The following CLIC5 variants were observed in gnomAD, a reference collection of about 807,000 sequenced individuals.
CLIC5 encodes the protein CLIC family member 5.
A neutral mutation model predicts 24.7 loss-of-function variants in CLIC5; 20 were observed. The ratio of observed to expected loss-of-function variants is 0.81; its 90% CI spans 0.57 to 1.18. The LOEUF (loss-of-function observed/expected upper bound fraction) is 1.18, where lower values mean the gene tolerates loss of function less well. CLIC5 is among the 50% of genes most tolerant of loss of function. The pLI, the probability that CLIC5 is intolerant of heterozygous loss-of-function variation, is 0.00. For missense variants in CLIC5, 341 were observed against 326.1 expected (o/e 1.05, Z -0.35); for synonymous variants, 159 against 135.6 (o/e 1.17, Z -1.20).
intron 1 of CLIC5, among the ~76,000 whole-genome samples, chr6:45,964,501 T>G (rs1764955168): frequency 6.6e-6 from 1 of 152,174 alleles, no homozygotes; most frequent in African/African-American, 2.4e-5. Context: ...GTGATACAGC[T>G]TCTGCCTGTG....
intron 4 of CLIC5, among the ~76,000 whole-genome samples, chr6:45,915,717 CA>C (rs1166057814): frequency 6.6e-6 from 1 of 152,108 alleles, no homozygotes; most frequent in Non-Finnish European, 1.5e-5. Flanking sequence ...TATTTAGACA[CA>C]AAAGCAGACA....
At chr6:45,919,576 G>A (rs1361214) in intron 4 of CLIC5, among the ~76,000 whole-genome samples, 62,125 of 151,682 alleles carry the variant, frequency 0.41, 13,318 homozygotes, top group East Asian at 0.53. Context: ...CAGGTCAAAT[G>A]GCCCACCAAT....
rs140627968 is a variant in CLIC5, at chr6:45,889,686, G to T, written c.624-8498C>A. ...AATTTCCAATGTTTACTGTGTTCTA[G>T]CATCTTTTGAGTCATGCAAATACAT... On this transcript the variant is annotated intron_variant, in intron 6 of 6. Coordinates refer to the CLIC5 transcript ENST00000644324. Among the ~76,000 whole-genome samples the T allele has an allele frequency of 3.9e-3, 591 of 152,184 alleles. 7 individuals carry two copies. Among genetic ancestry groups the T allele is most frequent in the African/African-American group, 0.013 (549 of 41,502 alleles).
At chr6:45,974,776 CAT>C (rs1211825749) in intron 1 of CLIC5, among the ~76,000 whole-genome samples, 3 of 151,978 alleles carry the variant, frequency 2.0e-5, no homozygotes, top group Non-Finnish European at 4.4e-5. Context: ...AGAAAGGTAA[CAT>C]GTGTGGATAT....
At chr6:45,934,509 C>T (rs577726064) in intron 4 of CLIC5, among the ~76,000 whole-genome samples, 18 of 152,232 alleles carry the variant, frequency 1.2e-4, no homozygotes, top group Middle Eastern at 6.8e-3. Context: ...TAGTGCAGGT[C>T]GCCTGGGAGG....
At chr6:46,121,379 G>C in the CLIC5 span, among the ~76,000 whole-genome samples, 2 of 152,176 alleles carry the variant, frequency 1.3e-5, no homozygotes. Context: ...ACAAGCAAAT[G>C]CTGAGAGATT....
intron 1 of CLIC5, among the ~76,000 whole-genome samples, chr6:46,031,979 A>G (rs952547876): frequency 6.6e-6 from 1 of 151,400 alleles, no homozygotes; most frequent in Non-Finnish European, 1.5e-5. Flanking sequence ...ATATATGTGT[A>G]CATATATATT....
At chr6:46,088,809 T>C in the CLIC5 span, among the ~76,000 whole-genome samples, 36 of 152,342 alleles carry the variant, frequency 2.4e-4, no homozygotes, top group African/African-American at 8.4e-4. Context: ...TTGAGCCAAA[T>C]GACTTTTTAA....
the CLIC5 span, among the ~76,000 whole-genome samples, chr6:46,120,663 T>C: frequency 3.2e-4 from 48 of 152,178 alleles, no homozygotes; most frequent in South Asian, 8.9e-3. Context: ...GAACCCATCA[T>C]AAAGAAGTTA....
chr6:46,039,895 A>C (rs2127459899), intron 1 of CLIC5, among the ~76,000 whole-genome samples: 1 of 152,358 alleles, frequency 6.6e-6, no homozygotes, highest in Middle Eastern at 3.4e-3. Context: ...AAAACCTTTA[A>C]AACACCACAG....
intron 4 of CLIC5, chr6:45,920,018 G>A (rs1449860492): frequency 4.3e-6 from 1 of 230,806 alleles, no homozygotes; most frequent in African/African-American, 2.3e-5. Flanking sequence ...TGCAAGGACT[G>A]TCCCATCACT....
intron 1 of CLIC5, among the ~76,000 whole-genome samples, chr6:46,003,062 A>T (rs1255859531): frequency 1.3e-5 from 2 of 152,246 alleles, no homozygotes; most frequent in Non-Finnish European, 2.9e-5. Flanking sequence ...AGCTTTGTGC[A>T]TTTATCCAGA....
rs776684666 is a variant in CLIC5, at chr6:45,914,447, C to T, written c.407-38G>A. 3 of 1,528,260 alleles carry T rather than the reference C, an allele frequency of 2.0e-6. No homozygotes were observed. The South Asian group carries it at 3.9e-5, about 20-fold the overall frequency. The allele number at this position is 1,528,260 out of a possible 1,614,324, so 94.7% of individuals were successfully genotyped here. ...AGTAAAAGGGCCTTTATTCAAACTT[C>T]TTGCCAGTGGATACAGTCATAGGGT... On this transcript the variant is annotated intron_variant, in intron 4 of 5. Coordinates refer to ENST00000339561, the MANE Select transcript of CLIC5 (RefSeq NM_016929.5).
In CLIC5 at chr6:45,969,807, T is replaced by G. The variant is rs187768429; in HGVS notation, c.64-14563A>C. ...ACATTCACATCAAGGTTTTTTTTTT[T>G]TTTTTTTTTTTTAATCGTGGAGGAT... On this transcript the variant is annotated intron_variant, in intron 1 of 5. Coordinates refer to ENST00000339561, the MANE Select transcript of CLIC5 (RefSeq NM_016929.5). Among the ~76,000 whole-genome samples, 320 of 150,598 alleles carry G rather than the reference T, an allele frequency of 2.1e-3. 2 individuals carry two copies. The highest frequency in any genetic ancestry group is 7.3e-3 in the African/African-American group (299 of 40,942).
chr6:45,920,045 G>A (rs917443584), intron 4 of CLIC5: 6 of 407,948 alleles, frequency 1.5e-5, no homozygotes, highest in Non-Finnish European at 2.0e-5. Context: ...GTATTCACGT[G>A]GCCTGACAGG....
At chr6:46,080,793 G>A (rs1304542002), upstream of CLIC5, among the ~76,000 whole-genome samples, 1 of 152,108 alleles carries the variant, frequency 6.6e-6, no homozygotes, top group Non-Finnish European at 1.5e-5. Context: ...GCCCTGGTTA[G>A]GTAATGAATT....
chr6:46,068,499 G>C (rs1373807670), intron 1 of CLIC5, among the ~76,000 whole-genome samples: 1 of 152,102 alleles, frequency 6.6e-6, no homozygotes, highest in Non-Finnish European at 1.5e-5. Context: ...AATGGAGGCA[G>C]ATCTTCCTTC....
chr6:46,057,518 C>T (rs1274629457), intron 1 of CLIC5, among the ~76,000 whole-genome samples: 1 of 152,178 alleles, frequency 6.6e-6, no homozygotes, highest in East Asian at 1.9e-4. Flanking sequence ...TGCTTCTATC[C>T]TTCTCATTGA....
chr6:45,967,979 G>A (rs1765072864), intron 1 of CLIC5, among the ~76,000 whole-genome samples: 1 of 152,088 alleles, frequency 6.6e-6, no homozygotes, highest in Non-Finnish European at 1.5e-5. Flanking sequence ...GATTTGGCGG[G>A]GACACACATT....
Sources: gnomAD v4.1 joint callset for allele counts (sites outside exome capture counted in the v4.1 genomes callset) on GRCh38, gnomAD v4.1.1 for gene constraint, MANE v1.5 for transcripts, NCBI Gene and HGNC (gene_info 2026-07-23, HGNC 2026-07-21) for gene names.